The following CNGB3 variants were observed in gnomAD, a reference collection of about 807,000 sequenced individuals.
CNGB3 encodes the protein cyclic nucleotide-gated channel beta-3.
CNGB3 carries 86 observed loss-of-function variants against 92.8 expected under a neutral mutation model. That is an observed-to-expected ratio of 0.93 (90% CI 0.78 to 1.11). The LOEUF (loss-of-function observed/expected upper bound fraction) is 1.11. Among genes scored for constraint, CNGB3 ranks in the 50% least tolerant of loss-of-function variants. The pLI, the probability that CNGB3 is intolerant of heterozygous loss-of-function variation, is 0.00. For synonymous variants in CNGB3, 333 were observed against 332.7 expected (o/e 1.00, Z -0.01); for missense variants, 1,026 against 956.8 (o/e 1.07, Z -0.95).
intron 15 of CNGB3, among the ~76,000 whole-genome samples, chr8:86,589,030 T>C (rs1821962100): frequency 6.6e-6 from 1 of 152,222 alleles, no homozygotes; most frequent in South Asian, 2.1e-4. Flanking sequence ...GTTATTGGTC[T>C]ATTCAGAGAT....
At chr8:86,627,035 C>T (rs56004121) in intron 12 of CNGB3, among the ~76,000 whole-genome samples, 12,460 of 151,806 alleles carry the variant, frequency 0.082, 628 homozygotes, top group African/African-American at 0.15. Context: ...CCAAGGGTCA[C>T]GTTTGTTCCC....
At chr8:86,588,494 T>C (rs1371948860) in intron 15 of CNGB3, among the ~76,000 whole-genome samples, 1 of 148,170 alleles carries the variant, frequency 6.7e-6, no homozygotes, top group Non-Finnish European at 1.5e-5. Flanking sequence ...ATAGCTCTTA[T>C]TATTTTGAAA....
chr8:86,607,552 T>C (rs1279932888), intron 14 of CNGB3, among the ~76,000 whole-genome samples: 1 of 152,182 alleles, frequency 6.6e-6, no homozygotes, highest in African/African-American at 2.4e-5. Context: ...GTCAGCAGCA[T>C]CAGCATCACT....
chr8:86,727,424 A>G (rs1475892330), intron 2 of CNGB3, among the ~76,000 whole-genome samples: 1 of 152,180 alleles, frequency 6.6e-6, no homozygotes, highest in East Asian at 1.9e-4. Flanking sequence ...TTTTTATGAA[A>G]TCAAATTTTT....
At chr8:86,641,370 A>T (rs1186551820) in intron 10 of CNGB3, among the ~76,000 whole-genome samples, 2 of 151,854 alleles carry the variant, frequency 1.3e-5, no homozygotes, top group African/African-American at 4.8e-5. Flanking sequence ...CTATTTTTTT[A>T]TTTCTTACTT....
chr8:86,623,429 G>C (rs557633077), intron 13 of CNGB3, among the ~76,000 whole-genome samples: 1 of 152,290 alleles, frequency 6.6e-6, no homozygotes, highest in South Asian at 2.1e-4. Context: ...GGTGTCTGGT[G>C]AGGGCTGCTC....
At chr8:86,662,680 C>T (rs1472008964) in intron 6 of CNGB3, among the ~76,000 whole-genome samples, 1 of 152,200 alleles carries the variant, frequency 6.6e-6, no homozygotes, top group African/African-American at 2.4e-5. Flanking sequence ...AGGGAGGAGC[C>T]TGGTCCCTCC....
chr8:86,681,192 C>T (rs915462230), intron 3 of CNGB3, among the ~76,000 whole-genome samples: 5 of 151,998 alleles, frequency 3.3e-5, no homozygotes, highest in Non-Finnish European at 4.4e-5. Context: ...AGCTTGATAT[C>T]TTCATAAAGG....
intron 3 of CNGB3, among the ~76,000 whole-genome samples, chr8:86,679,925 A>C (rs1824047978): frequency 6.6e-6 from 1 of 152,230 alleles, no homozygotes. Context: ...GCAAGAAGGC[A>C]GCCATCTACT....
intron 3 of CNGB3, among the ~76,000 whole-genome samples, chr8:86,708,653 G>A (rs1256132621): frequency 2.1e-5 from 3 of 140,444 alleles, no homozygotes; most frequent in Non-Finnish European, 3.0e-5. Flanking sequence ...CTGTAGCCTC[G>A]ACTTCCTGGG....
At chr8:86,612,348 T>C (rs918918442) in intron 13 of CNGB3, among the ~76,000 whole-genome samples, 4 of 152,240 alleles carry the variant, frequency 2.6e-5, no homozygotes, top group African/African-American at 4.8e-5. Context: ...CTTTAGGTGC[T>C]ACAAAAAACT....
At chr8:86,675,230 G>A (rs141724088) in intron 3 of CNGB3, among the ~76,000 whole-genome samples, 156 of 152,018 alleles carry the variant, frequency 1.0e-3, no homozygotes, top group African/African-American at 3.4e-3. Flanking sequence ...CCAGAGTGCC[G>A]GCATTTCTTT....
At chr8:86,636,965 A>G (rs976927458) in intron 10 of CNGB3, among the ~76,000 whole-genome samples, 2 of 152,190 alleles carry the variant, frequency 1.3e-5, no homozygotes, top group East Asian at 1.9e-4. Flanking sequence ...ATTCTATTAT[A>G]TATGTGCATA....
chr8:86,634,679 G>A (rs1823028486), intron 10 of CNGB3, among the ~76,000 whole-genome samples: 1 of 151,606 alleles, frequency 6.6e-6, no homozygotes, highest in East Asian at 1.9e-4. Flanking sequence ...TACAGACACA[G>A]AAAAGGAGTA....
chr8:86,578,204 C>T (rs7839283), intron 17 of CNGB3, among the ~76,000 whole-genome samples: 8,679 of 152,134 alleles, frequency 0.057, 769 homozygotes, highest in African/African-American at 0.19. Context: ...CCACCGCACC[C>T]GGCCAAGGGT....
chr8:86,594,953 A>T (rs1822137375), intron 15 of CNGB3, among the ~76,000 whole-genome samples: 1 of 151,928 alleles, frequency 6.6e-6, no homozygotes, highest in Non-Finnish European at 1.5e-5. Flanking sequence ...CGGTTTCCTG[A>T]CCTCATGATC....
intron 2 of CNGB3, among the ~76,000 whole-genome samples, chr8:86,726,947 C>T (rs547515061): frequency 6.6e-6 from 1 of 152,194 alleles, no homozygotes; most frequent in Admixed American, 6.5e-5. Context: ...ATAGAGTGTA[C>T]TTATATCATA....
chr8:86,708,563 ATTTTTTTT>A (rs10714055), intron 3 of CNGB3, among the ~76,000 whole-genome samples: 3 of 85,936 alleles, frequency 3.5e-5, no homozygotes, highest in East Asian at 3.3e-4. Context: ...TCTTTTCTTA[ATTTTTTTT>A]TTTTTTTTTT....
At chr8:86,602,745 A>AC (rs781258349) in intron 15 of CNGB3, among the ~76,000 whole-genome samples, 2 of 152,174 alleles carry the variant, frequency 1.3e-5, no homozygotes, top group Non-Finnish European at 2.9e-5. Context: ...ACTGGACTCT[A>AC]TTCATTCTTG....
Sources: gnomAD v4.1 joint callset for allele counts (sites outside exome capture counted in the v4.1 genomes callset) on GRCh38, gnomAD v4.1.1 for gene constraint, MANE v1.5 for transcripts, NCBI Gene and HGNC (gene_info 2026-07-23, HGNC 2026-07-21) for gene names.